Variants in SNX6 observed in about 807,000 individuals in gnomAD.
SNX6 encodes the protein sorting nexin-6.
Under a neutral mutation model 63.0 loss-of-function variants are expected in SNX6, and 34 were observed. That is an observed-to-expected ratio of 0.54 (90% CI 0.41 to 0.72). SNX6 has a LOEUF of 0.72. Among genes scored for constraint, SNX6 ranks in the 30% least tolerant of loss-of-function variants. The pLI, the probability that SNX6 is intolerant of heterozygous loss-of-function variation, is 0.00. For synonymous variants in SNX6, 170 were observed against 164.2 expected (o/e 1.04, Z -0.27); for missense variants, 398 against 471.4 (o/e 0.84, Z 1.44).
At chr14:34,629,778 G>C (rs1337858296) in intron 2 of SNX6, 129 bp downstream of exon 2, 2 of 1,405,450 alleles carry the variant, frequency 1.4e-6, no homozygotes, top group African/African-American at 1.4e-5. Context: ...GTGCAGCGAG[G>C]AAACCGAAAG....
intron 13 of SNX6, among the ~76,000 whole-genome samples, chr14:34,567,392 C>T (rs149986885): frequency 0.025 from 3,733 of 152,188 alleles, 120 homozygotes; most frequent in African/African-American, 0.07. Flanking sequence ...GAGGCTGAGG[C>T]GTGAGAATCG....
At chr14:34,587,983 G>C (rs1882244269) in intron 8 of SNX6, among the ~76,000 whole-genome samples, 1 of 148,882 alleles carries the variant, frequency 6.7e-6, no homozygotes, top group Admixed American at 6.7e-5. Context: ...GCTAATTTTT[G>C]TATTTTTAGT....
At chr14:34,563,770 A>C (rs1247790467) in intron 13 of SNX6, among the ~76,000 whole-genome samples, 1 of 150,718 alleles carries the variant, frequency 6.6e-6, no homozygotes, top group African/African-American at 2.4e-5. Context: ...ATGGAGTATC[A>C]CTCTGTTGCC....
intron 11 of SNX6, among the ~76,000 whole-genome samples, chr14:34,568,534 CTA>C (rs1566463176): frequency 6.6e-6 from 1 of 151,802 alleles, no homozygotes; most frequent in African/African-American, 2.4e-5. Flanking sequence ...CGGGGCCTCA[CTA>C]TGTTGCCCAG....
chr14:34,583,295 C>A (rs1296982797), intron 9 of SNX6, among the ~76,000 whole-genome samples: 1 of 152,024 alleles, frequency 6.6e-6, no homozygotes, highest in African/African-American at 2.4e-5. Flanking sequence ...GGCAACAGAG[C>A]GAGACTCCGT....
At chr14:34,609,022 C>T (rs1446070604) in intron 3 of SNX6, among the ~76,000 whole-genome samples, 1 of 150,754 alleles carries the variant, frequency 6.6e-6, no homozygotes, top group Admixed American at 6.6e-5. Flanking sequence ...ACAGAGACTC[C>T]GTCTCAAAAA....
intron 8 of SNX6, among the ~76,000 whole-genome samples, chr14:34,589,901 A>C (rs1345697762): frequency 1.3e-5 from 2 of 151,992 alleles, no homozygotes; most frequent in Admixed American, 1.3e-4. Flanking sequence ...GCTTGAGTCC[A>C]GGAGTTCAAG....
At chr14:34,565,516 CTCTT>C (rs1566460902) in intron 13 of SNX6, among the ~76,000 whole-genome samples, 3 of 152,084 alleles carry the variant, frequency 2.0e-5, no homozygotes, top group Admixed American at 2.0e-4. Context: ...AGTTCATGAC[CTCTT>C]TGTTTTTATT....
Position 34,580,551 on chromosome 14 carries a change from T to C in SNX6, c.834+1010A>G, listed in dbSNP as rs563482226. ...CCTGGCCTCTACTGATCCTCCCACC[T>C]CACCCTTCAATGTATGGCATTATGG... On this transcript the variant is annotated intron_variant, in intron 10 of 13. Coordinates refer to ENST00000362031, the MANE Select transcript of SNX6 (RefSeq NM_152233.4). 6.6e-5 allele frequency among the ~76,000 whole-genome samples: 10 copies of C among 152,250 alleles called. No individual in the cohort carries two copies. In the South Asian group the frequency reaches 2.1e-3, roughly 32 times the overall value.
At chr14:34,624,588 G>A (rs576332125) in intron 2 of SNX6, among the ~76,000 whole-genome samples, 1 of 150,466 alleles carries the variant, frequency 6.6e-6, no homozygotes, top group Non-Finnish European at 1.5e-5. Context: ...ATGAAGTCAA[G>A]AGATCAAGAC....
At chr14:34,618,365 G>GC (rs1555328537) in intron 2 of SNX6, among the ~76,000 whole-genome samples, 5 of 83,010 alleles carry the variant, frequency 6.0e-5, no homozygotes, top group African/African-American at 2.8e-4. Context: ...TTTTTGGGGA[G>GC]GGGGGGATGG....
intron 6 of SNX6, among the ~76,000 whole-genome samples, chr14:34,602,019 G>A (rs1380100080): frequency 6.6e-6 from 1 of 150,848 alleles, no homozygotes; most frequent in Non-Finnish European, 1.5e-5. Context: ...CAGGCCAGGT[G>A]CGGCTCACGC....
chr14:34,615,967 A>AT (rs1240594204), intron 2 of SNX6, among the ~76,000 whole-genome samples: 1 of 151,582 alleles, frequency 6.6e-6, no homozygotes, highest in Non-Finnish European at 1.5e-5. Context: ...TTTTATTTTT[A>AT]TTTTTTTGAG....
In SNX6 at chr14:34,562,996, A is replaced by T. The variant is rs1420924608; in HGVS notation, c.*126T>A. ...GCTCCATGTTTCTCAGAAAAAGAGG[A>T]GTTGATGCACTTTTTCAGCTGCTTT... On this transcript the variant is annotated 3_prime_UTR_variant, in exon 14 of 14. Transcript: ENST00000362031. 1.1e-6 allele frequency: 1 copy of T among 890,608 alleles called. No homozygotes were observed. The highest frequency in any genetic ancestry group is 2.4e-5 in the Admixed American group (1 of 41,968). 55.2% of individuals were successfully genotyped at this position (890,608 alleles called of 1,614,324 possible). A position where few individuals can be genotyped will look rare whatever the true frequency, so the allele number is the denominator to read the frequency against.
chr14:34,578,954 A>AAAAAAAAAAAG (rs1881827243), intron 10 of SNX6, among the ~76,000 whole-genome samples: 1 of 147,728 alleles, frequency 6.8e-6, no homozygotes, highest in Non-Finnish European at 1.5e-5. Context: ...AAAAAAAAAA[A>AAAAAAAAAAAG]AAAAAAAAAA....
At chr14:34,610,580 G>C (rs1187516858) in intron 2 of SNX6, among the ~76,000 whole-genome samples, 1 of 152,034 alleles carries the variant, frequency 6.6e-6, no homozygotes, top group East Asian at 1.9e-4. Context: ...AAAGTGCTAA[G>C]AAAAATACTA....
intron 7 of SNX6, among the ~76,000 whole-genome samples, chr14:34,594,642 G>T (rs995945162): frequency 2.6e-5 from 4 of 152,090 alleles, no homozygotes; most frequent in Non-Finnish European, 5.9e-5. Flanking sequence ...GATTACAGGA[G>T]TGAGCCACTG....
chr14:34,573,748 T>C (rs1881561395), intron 11 of SNX6, among the ~76,000 whole-genome samples: 1 of 151,770 alleles, frequency 6.6e-6, no homozygotes, highest in Non-Finnish European at 1.5e-5. Context: ...GTTCAAACAA[T>C]TCTCCTGCCT....
intron 6 of SNX6, among the ~76,000 whole-genome samples, chr14:34,598,346 T>C (rs374259302): frequency 6.6e-6 from 1 of 152,184 alleles, no homozygotes; most frequent in African/African-American, 2.4e-5. Flanking sequence ...TCTCTATCAC[T>C]ACCTGCTATG....
Sources: gnomAD v4.1 joint callset for allele counts (sites outside exome capture counted in the v4.1 genomes callset) on GRCh38, gnomAD v4.1.1 for gene constraint, MANE v1.5 for transcripts, NCBI Gene and HGNC (gene_info 2026-07-23, HGNC 2026-07-21) for gene names.